IFT172: variants seen among roughly 807,000 people sequenced by gnomAD.
The protein encoded by IFT172 is intraflagellar transport protein 172 homolog.
IFT172 carries 164 observed loss-of-function variants against 248.9 expected under a neutral mutation model. The ratio of observed to expected loss-of-function variants is 0.66; its 90% CI spans 0.58 to 0.75. The LOEUF (loss-of-function observed/expected upper bound fraction) is 0.75. Among genes scored for constraint, IFT172 ranks in the 30% least tolerant of loss-of-function variants. The pLI, the probability that IFT172 is intolerant of heterozygous loss-of-function variation, is 0.00. For synonymous variants in IFT172, 729 were observed against 791.6 expected, an observed-to-expected ratio of 0.92 and a Z score of 1.33; for missense variants, 1,950 against 2,192.4, an observed-to-expected ratio of 0.89 and a Z score of 2.21.
rs1366937730 is a variant in IFT172, at chr2:27,453,485, G to A, written c.3850C>T (p.Arg1284Ter). The A allele has an allele frequency of 8.7e-6, 14 of 1,614,096 alleles. No individual in the cohort carries two copies. The highest frequency in any genetic ancestry group is 1.7e-5 in the Admixed American group (1 of 60,008). ...TACTCTCCAGCCTGCTCCCAGTGTC[G>A]AGCTTGTTCCACAAATCCCTCCACA... ...RGVEGFVEQA[R>*]HWEQAGEYSR... is the part of the protein sequence containing the mutation. Residue 1284 changes from arginine to a stop codon, truncating the protein, a stop_gained, in exon 35 of 48, where the codon CGA becomes TGA. Coordinates refer to ENST00000260570, the MANE Select transcript of IFT172 (RefSeq NM_015662.3). LOFTEE classifies it high-confidence loss of function.
rs1668521095 is a variant in IFT172 at position 27,483,337 on chromosome 2, A to G, written c.522T>C (p.Gly174=). 7 of 1,608,090 alleles carry G rather than the reference A, an allele frequency of 4.4e-6. No individual in the cohort carries two copies. The highest frequency in any genetic ancestry group is 6.0e-6 in the Non-Finnish European group (7 of 1,174,578). The stretch of plus-strand genomic sequence containing the variant: ...CATCAAAGAAATACCTAACGATGGT[A>G]CCATCTGCATGACCAGAGAGAATTC... ...GKGILSGHAD[G]TIVRYFFDDE... Residue 174 remains glycine (G), a synonymous_variant, in exon 7 of 48, where the codon GGT becomes GGC. Transcript: ENST00000260570.
At chr2:27,449,406 A>C in intron 38 of IFT172, 26 bp from the exon 39 acceptor site, 1 of 1,614,144 alleles carries the variant, frequency 6.2e-7, no homozygotes, top group Non-Finnish European at 8.5e-7. Context: ...ACAGAGTTAC[A>C]AGAGAAAAGA....
intron 16 of IFT172, 195 bp downstream of exon 16, chr2:27,470,732 AG>A (rs1357103221): frequency 2.1e-6 from 1 of 480,082 alleles, no homozygotes; most frequent in African/African-American, 2.0e-5. Flanking sequence ...CCATACTCCA[AG>A]GGTCTAATAT....
chr2:27,453,664 C>G lies in IFT172; in HGVS notation c.3787G>C (p.Glu1263Gln). 6.2e-7 allele frequency: 1 copy of G among 1,612,620 alleles called. No homozygotes were observed. The highest frequency in any genetic ancestry group is 2.2e-5 in the East Asian group (1 of 44,870). The part of the protein sequence containing the change: ...VPSQLEALQE[E>Q]YEREATKKGA... ...TTCTTAGTAGCTTCCCGCTCATATTCTTCCTGCAGAGCCTCCAGCTGGCTG... is the reference window on the plus strand; with the variant it reads ...TTCTTAGTAGCTTCCCGCTCATATTGTTCCTGCAGAGCCTCCAGCTGGCTG... The change falls in exon 34 of 48, where the codon GAA becomes CAA. Residue 1263 changes from glutamate to glutamine, a missense_variant. This residue lies in a region of IFT172 where 620 missense variants were observed against 699.0 expected (regional missense o/e 0.89). Coordinates refer to ENST00000260570, the MANE Select transcript of IFT172 (RefSeq NM_015662.3).
chr2:27,472,988 T>C (rs1667685306), intron 14 of IFT172, among the ~76,000 whole-genome samples: 1 of 152,150 alleles, frequency 6.6e-6, no homozygotes, highest in Non-Finnish European at 1.5e-5. Flanking sequence ...CCCCACTTTG[T>C]TATATATGCT....
rs936065224 is a variant in IFT172 at position 27,477,884 on chromosome 2, C to T, written c.1167+111G>A. 3.6e-6 allele frequency: 5 copies of T among 1,380,766 alleles called. No homozygotes were observed. The African/African-American group carries it at 5.7e-5, about 16-fold the overall frequency. The allele number at this position is 1,380,766 out of a possible 1,614,324, so 85.5% of individuals were successfully genotyped here. On this transcript the variant is annotated intron_variant, in intron 11 of 47. Transcript: ENST00000260570. ...CTTCCCTGAAACCAGGTCCCCTACA[C>T]CAGAATGTTAGAACTTCTCATGGAG...
At chr2:27,459,882 G>A (rs1448968687) in intron 23 of IFT172, 53 bp from the exon 24 acceptor site, 2 of 1,597,158 alleles carry the variant, frequency 1.3e-6, no homozygotes, top group African/African-American at 2.7e-5. Flanking sequence ...TGGGCCTCAG[G>A]AAAAAGGTAG....
intron 42 of IFT172, 80 bp from the exon 43 acceptor site, chr2:27,446,435 C>A: frequency 8.1e-7 from 1 of 1,239,468 alleles, no homozygotes; most frequent in Non-Finnish European, 1.2e-6. Context: ...AAGGCAGCCA[C>A]AGAACTAAAA....
chr2:27,449,378 C>G lies in IFT172; in HGVS notation c.4227G>C (p.Leu1409=). 1 of 1,614,160 alleles carries G rather than the reference C, an allele frequency of 6.2e-7. No individual in the cohort carries two copies. Among genetic ancestry groups the G allele is most frequent in the Non-Finnish European group, 8.5e-7 (1 of 1,180,028 alleles). ...FLKNQGKVDS[L]VGVDVIAALD... ...AAGCAGCTATCACATCCACACCCACCAGCTGGGTCAATGGAAGACAGAGTT... is the reference window on the plus strand; with the variant it reads ...AAGCAGCTATCACATCCACACCCACGAGCTGGGTCAATGGAAGACAGAGTT... Residue 1409 remains leucine (L), a splice_region_variant and synonymous_variant, in exon 39 of 48, where the codon CTG becomes CTC. Coordinates refer to ENST00000260570, the MANE Select transcript of IFT172 (RefSeq NM_015662.3).
chr2:27,480,271 C>T, intron 8 of IFT172, 122 bp from the exon 9 acceptor site: 1 of 1,367,830 alleles, frequency 7.3e-7, no homozygotes, highest in African/African-American at 1.5e-5. Context: ...AAAGAACAGA[C>T]AAGCTAGGCA....
At chr2:27,449,617 G>A (rs562281295) in intron 37 of IFT172, 55 bp from the exon 38 acceptor site, 192 of 1,612,452 alleles carry the variant, frequency 1.2e-4, no homozygotes, top group Non-Finnish European at 1.6e-4. Flanking sequence ...CAACCCTCCC[G>A]GTAAGACTTT....
chr2:27,477,697 G>A (rs1184933118), intron 11 of IFT172, 85 bp from the exon 12 acceptor site: 2 of 1,007,404 alleles, frequency 2.0e-6, no homozygotes, highest in South Asian at 1.3e-5. Context: ...GTTGGGAAGT[G>A]GAAAGATATA....
chr2:27,476,846 G>C (rs2148541397), intron 13 of IFT172, 120 bp from the exon 14 acceptor site: 4 of 659,158 alleles, frequency 6.1e-6, no homozygotes, highest in East Asian at 2.8e-5. Context: ...TTTTGAGACA[G>C]GGTCTCACTC....
At chr2:27,467,176 TAAAG>T (rs1667145578) in intron 16 of IFT172, among the ~76,000 whole-genome samples, 1 of 151,850 alleles carries the variant, frequency 6.6e-6, no homozygotes, top group East Asian at 1.9e-4. Flanking sequence ...AAATAAAACT[TAAAG>T]AAAAATTTAA....
rs144271396 is a variant in IFT172 at position 27,481,709 on chromosome 2, T to G, written c.571-449A>C. Among the ~76,000 whole-genome samples the G allele has an allele frequency of 4.1e-3, 628 of 151,580 alleles. 4 individuals are homozygous for G. The highest frequency in any genetic ancestry group is 0.015 in the African/African-American group (606 of 41,252). ...GTGTGTGCCACCATACCAGGCTAATTTTTCTGTTTTTAGTAGAGATGGGGT... is the reference window on the plus strand; with the variant it reads ...GTGTGTGCCACCATACCAGGCTAATGTTTCTGTTTTTAGTAGAGATGGGGT... On this transcript the variant is annotated intron_variant, in intron 7 of 47. Transcript: ENST00000260570.
intron 14 of IFT172, among the ~76,000 whole-genome samples, chr2:27,474,618 C>T (rs560445174): frequency 1.3e-5 from 2 of 152,172 alleles, no homozygotes; most frequent in Non-Finnish European, 2.9e-5. Flanking sequence ...GTGGCACAAT[C>T]TCAGCTCACT....
chr2:27,462,793 C>T lies in IFT172; in HGVS notation c.2023G>A (p.Gly675Ser), dbSNP rs1487353722. 6.2e-7 allele frequency: 1 copy of T among 1,613,868 alleles called. No individual in the cohort carries two copies. Among genetic ancestry groups the T allele is most frequent in the African/African-American group, 1.3e-5 (1 of 74,888 alleles). ...TGATAAAAGTCTGTTCCTTCTCCGCCCTGTGGGGGAAAAAGGAGGTTCTGA... is the reference window on the plus strand; with the variant it reads ...TGATAAAAGTCTGTTCCTTCTCCGCTCTGTGGGGGAAAAAGGAGGTTCTGA... ...EIADQVSREY[G>S]GEGTDFYQVR... is the part of the protein sequence containing the mutation. Residue 675 changes from glycine (G) to serine (S), a missense_variant and splice_region_variant, in exon 20 of 48, where the codon GGC becomes AGC. By Grantham distance (56) the Gly-to-Ser change is moderately conservative (BLOSUM62 0). Around this residue, in one of 3 missense-constraint regions of IFT172, gnomAD observed 1,166 missense variants for 1,254.1 expected, o/e 0.93. Transcript: ENST00000260570.
chr2:27,454,418 C>T lies in IFT172; in HGVS notation c.3466G>A (p.Gly1156Ser). 1 of 1,614,070 alleles carries T rather than the reference C, an allele frequency of 6.2e-7. No individual in the cohort carries two copies. The highest frequency in any genetic ancestry group is 8.5e-7 in the Non-Finnish European group (1 of 1,180,026). ...TCAGCTTCAGCCTCTTCGAATTTACCCTACAGGGAGAGAAAGGCAGCCGTG... is the reference window on the plus strand; with the variant it reads ...TCAGCTTCAGCCTCTTCGAATTTACTCTACAGGGAGAGAAAGGCAGCCGTG... Reference protein sequence around the residue: ...LKYAMFLEDEGKFEEAEAEFI... With the variant: ...LKYAMFLEDESKFEEAEAEFI... Residue 1156 changes from glycine (G) to serine (S), a missense_variant and splice_region_variant, in exon 32 of 48, where the codon GGT becomes AGT. Physicochemically the swap from Gly to Ser is moderately conservative, Grantham distance 56. Transcript: ENST00000260570. The surrounding 1 kb of genome is among the most constrained non-coding windows in gnomAD (Gnocchi z 4.2).
chr2:27,467,216 C>T (rs1270241548), intron 16 of IFT172, among the ~76,000 whole-genome samples: 13 of 151,572 alleles, frequency 8.6e-5, no homozygotes, highest in Non-Finnish European at 2.9e-5. Flanking sequence ...ACTCAATGTA[C>T]AGTTTAAATA....
Sources: gnomAD v4.1 joint callset for allele counts (sites outside exome capture counted in the v4.1 genomes callset) on GRCh38, gnomAD v4.1.1 for gene constraint, gnomAD v4.1.1 regional missense constraint, Gnocchi (gnomAD v3.1) non-coding constraint, MANE v1.5 for transcripts, NCBI Gene and HGNC (gene_info 2026-07-23, HGNC 2026-07-21) for gene names.